The following RSRP1 variants were observed in gnomAD, a reference collection of about 807,000 sequenced individuals.
RSRP1 encodes arginine/serine-rich protein 1.
Under a neutral mutation model 33.0 loss-of-function variants are expected in RSRP1, and 37 were observed. That is an observed-to-expected ratio of 1.12 (90% CI 0.86 to 1.48). The LOEUF (loss-of-function observed/expected upper bound fraction) is 1.48, where lower values mean the gene tolerates loss of function less well. Ranked by LOEUF, RSRP1 falls within the 40% of genes most tolerant of loss-of-function variation. The pLI is 0.00. For missense variants in RSRP1, 402 were observed against 385.3 expected, an observed-to-expected ratio of 1.04 and a Z score of -0.36; for synonymous variants, 167 against 158.7, an observed-to-expected ratio of 1.05 and a Z score of -0.40.
chr1:25,274,956 A>G lies in RSRP1; in HGVS notation c.-66-27927T>C, dbSNP rs189634510. 1.1e-4 allele frequency among the ~76,000 whole-genome samples: 15 copies of G among 132,216 alleles called. 3 individuals are homozygous for G. Among genetic ancestry groups the G allele is most frequent in the African/African-American group, 3.1e-4 (12 of 38,878 alleles). The allele number at this position is 132,216 out of a possible 152,430, so 86.7% of individuals were successfully genotyped here. On this transcript the variant is annotated intron_variant, in intron 1 of 1. Transcript: ENST00000561867. ...GAGTGAGACTTCATCTCAAAAAACC[A>G]AACAACAAAAACAACAACAAGAACA...
chr1:25,314,801 G>A (rs1228796299), intron 1 of RSRP1, among the ~76,000 whole-genome samples: 1 of 131,844 alleles, frequency 7.6e-6, no homozygotes, highest in East Asian at 2.0e-4. Flanking sequence ...ACCATGCCCA[G>A]CCCACCTTTT....
chr1:25,276,883 G>A (rs1264763123), intron 1 of RSRP1, among the ~76,000 whole-genome samples: 3 of 131,310 alleles, frequency 2.3e-5, no homozygotes, highest in African/African-American at 2.6e-5. Flanking sequence ...TGGCTAACAC[G>A]ATGAAACCCC....
Position 25,314,612 on chromosome 1 carries a change from T to G in RSRP1, c.-67+23366A>C, listed in dbSNP as rs572187770. Among the ~76,000 whole-genome samples, 12 of 132,548 alleles carry G rather than the reference T, an allele frequency of 9.1e-5. 1 individual carries two copies. Among genetic ancestry groups the G allele is most frequent in the East Asian group, 3.9e-4 (2 of 5,114 alleles). The allele number at this position is 132,548 out of a possible 152,430, so 87.0% of individuals were successfully genotyped here. ...AGCTTCAAGCAATTCTCATACTTCA[T>G]CCTCCTGAGTAGCTTAGATTACAGG... On this transcript the variant is annotated intron_variant, in intron 1 of 1. Transcript: ENST00000561867.
Position 25,273,705 on chromosome 1 carries a change from T to A in RSRP1, c.-66-26676A>T, listed in dbSNP as rs1051293055. Among the ~76,000 whole-genome samples the A allele has an allele frequency of 8.0e-5, 10 of 125,164 alleles. 3 individuals are homozygous for A. Among genetic ancestry groups the A allele is most frequent in the African/African-American group, 2.7e-4 (10 of 36,612 alleles). 82.1% of individuals were successfully genotyped at this position (125,164 alleles called of 152,430 possible). On this transcript the variant is annotated intron_variant, in intron 1 of 1. Transcript: ENST00000561867. ...CCACAATGGTGTGACTTTGCTTTTT[T>A]AAAAATATTGAAATGAGTTTCAGGC...
intron 1 of RSRP1, among the ~76,000 whole-genome samples, chr1:25,269,397 G>A (rs1276972170): frequency 2.3e-5 from 3 of 132,594 alleles, no homozygotes; most frequent in East Asian, 1.9e-4. Context: ...ATCGTACGTC[G>A]GAGGCCATCT....
chr1:25,320,191 A>C (rs1338528410), intron 1 of RSRP1, among the ~76,000 whole-genome samples: 1 of 132,008 alleles, frequency 7.6e-6, no homozygotes, highest in African/African-American at 2.6e-5. Context: ...AGCCACTGCG[A>C]CCGGCCGACA....
Position 25,290,848 on chromosome 1 carries a change from G to T in RSRP1, c.-66-43819C>A, listed in dbSNP as rs1372176546. On this transcript the variant is annotated intron_variant, in intron 1 of 1. Coordinates refer to the RSRP1 transcript ENST00000561867. ...GAGAAAAGGGCCAAAAGCTCCATTT[G>T]GTGGGGTTTCCAGGGTTTTGAAAAA... 5 of 1,352,578 alleles carry T rather than the reference G, an allele frequency of 3.7e-6. 1 individual carries two copies. In the African/African-American group the frequency reaches 7.2e-5, roughly 19 times the overall value. The allele number at this position is 1,352,578 out of a possible 1,614,324, so 83.8% of individuals were successfully genotyped here.
chr1:25,244,464 T>G, intron 3 of RSRP1: 1 of 1,289,416 alleles, frequency 7.8e-7, no homozygotes, highest in Non-Finnish European at 1.0e-6. Context: ...CAACAGATTT[T>G]CTTCATCAAT....
rs1642114373 is a variant in RSRP1, at chr1:25,287,332, A to G, written c.-66-40303T>C. 3.0e-5 allele frequency among the ~76,000 whole-genome samples: 4 copies of G among 134,204 alleles called. 1 individual carries two copies. The highest frequency in any genetic ancestry group is 2.9e-4 in the Admixed American group (4 of 13,976). The allele number at this position is 134,204 out of a possible 152,430, so 88.0% of individuals were successfully genotyped here. A position where few individuals can be genotyped will look rare whatever the true frequency, so the allele number is the denominator to read the frequency against. On this transcript the variant is annotated intron_variant, in intron 1 of 1. Coordinates refer to the RSRP1 transcript ENST00000561867. The stretch of plus-strand genomic sequence containing the variant: ...CTCCCCTCATCTGATGTCCACAGGG[A>G]CCTGTTTGTTCTTGACTCAATCTAG...
At chr1:25,251,036 A>G (rs1312229776), upstream of RSRP1, among the ~76,000 whole-genome samples, 1 of 151,688 alleles carries the variant, frequency 6.6e-6, no homozygotes, top group African/African-American at 2.4e-5. Flanking sequence ...AAAAAAAAAA[A>G]GAAAGAAAGA....
chr1:25,300,893 T>G lies in RSRP1; in HGVS notation c.-67+37085A>C. The G allele has an allele frequency of 4.4e-6, 6 of 1,364,494 alleles. 2 individuals are homozygous for G. The highest frequency in any genetic ancestry group is 5.2e-6 in the Non-Finnish European group (5 of 970,058). The allele number at this position is 1,364,494 out of a possible 1,614,324, so 84.5% of individuals were successfully genotyped here. Reference sequence around the variant, plus strand: ...ACTTTCTCCAAGGACTATCAGGGCTTGCCCCGGGCAGAGGATGCCGACACT... The same window carrying G: ...ACTTTCTCCAAGGACTATCAGGGCTGGCCCCGGGCAGAGGATGCCGACACT... On this transcript the variant is annotated intron_variant, in intron 1 of 1. Transcript: ENST00000561867.
In RSRP1 at chr1:25,246,893, G is replaced by A; in HGVS notation, c.71C>T (p.Ser24Leu). Residue 24 changes from serine (S) to leucine (L), a missense_variant, in exon 2 of 5, where the codon TCG becomes TTG. By Grantham distance (145) the Ser-to-Leu change is moderately radical. Coordinates refer to ENST00000243189, the MANE Select transcript of RSRP1 (RefSeq NM_020317.5). ...QEKDSPSTSR[S>L]GGSSRLSSRS... ...CGACGACAGCCGGCTGGACCCGCCC[G>A]ACCGCGAGGTCGAGGGCGAATCCTT... The A allele has an allele frequency of 3.1e-6, 5 of 1,605,836 alleles. No homozygotes were observed. The highest frequency in any genetic ancestry group is 1.1e-5 in the South Asian group (1 of 90,922).
rs1163976001 is a variant in RSRP1, at chr1:25,310,427, T to C, written c.-67+27551A>G. The stretch of plus-strand genomic sequence containing the variant: ...ATGCAGCAAGAAGGCCCTCACCAGA[T>C]GGTGGCACCATGCTTTTGGACTTCC... On this transcript the variant is annotated intron_variant, in intron 1 of 1. Coordinates refer to the RSRP1 transcript ENST00000561867. Among the ~76,000 whole-genome samples the C allele has an allele frequency of 2.3e-5, 3 of 132,760 alleles. 1 individual carries two copies. The highest frequency in any genetic ancestry group is 3.6e-5 in the Non-Finnish European group (2 of 55,838). The allele number at this position is 132,760 out of a possible 152,430, so 87.1% of individuals were successfully genotyped here.
At position 25,243,577 on chromosome 1, in the gene RSRP1, C is replaced by A. The variant is rs762840901; in HGVS notation, c.729G>T (p.Gln243His). 4 of 1,613,810 alleles carry A rather than the reference C, an allele frequency of 2.5e-6. No homozygotes were observed. In the South Asian group the frequency reaches 4.4e-5, roughly 18 times the overall value. ...TAGAGCTAAAAGCTATGCTTCTTTG[C>A]TGGGTAGGTTTTTCATTGGGATTTC... The part of the protein sequence containing the change: ...GTRNPNEKPT[Q>H]QRSIAFSSNN... Residue 243 changes from glutamine to histidine, a missense_variant, in exon 4 of 5, where the codon CAG becomes CAT. By Grantham distance (24) the Gln-to-His change is conservative (BLOSUM62 0). Transcript: ENST00000243189.
intron 1 of RSRP1, among the ~76,000 whole-genome samples, chr1:25,308,772 G>A (rs1300706877): frequency 7.8e-6 from 1 of 128,780 alleles, no homozygotes; most frequent in African/African-American, 2.7e-5. Flanking sequence ...CAAAGGGAAG[G>A]GCATAGTGAC....
At chr1:25,328,777 C>T in intron 1 of RSRP1, 1 of 480,426 alleles carries the variant, frequency 2.1e-6, no homozygotes, top group Admixed American at 3.8e-5. Flanking sequence ...TCTTCCAATT[C>T]AGATTTTATG....
chr1:25,300,264 A>C (rs1219650259), intron 1 of RSRP1, among the ~76,000 whole-genome samples: 2 of 131,174 alleles, frequency 1.5e-5, no homozygotes, highest in African/African-American at 5.2e-5. Flanking sequence ...TCATGCCTGT[A>C]ATCTCAGCAC....
rs763354483 is a variant in RSRP1 at position 25,318,789 on chromosome 1, T to C, written c.-67+19189A>G. ...CTCCCTCTGAGCCTTGGTTAGCTTC[T>C]CTGTAAAATGAAAGGATTATGGTAA... On this transcript the variant is annotated intron_variant, in intron 1 of 1. Coordinates refer to the RSRP1 transcript ENST00000561867. Among the ~76,000 whole-genome samples, 5 of 132,502 alleles carry C rather than the reference T, an allele frequency of 3.8e-5. 2 individuals are homozygous for C. Among genetic ancestry groups the C allele is most frequent in the Non-Finnish European group, 8.9e-5 (5 of 55,870 alleles). The allele number at this position is 132,502 out of a possible 152,430, so 86.9% of individuals were successfully genotyped here.
In RSRP1 at chr1:25,331,864, G is replaced by A. The variant is rs376433893; in HGVS notation, c.-67+6114C>T. Among the ~76,000 whole-genome samples the A allele has an allele frequency of 1.7e-5, 2 of 119,860 alleles. 1 individual carries two copies. Among genetic ancestry groups the A allele is most frequent in the African/African-American group, 5.6e-5 (2 of 35,484 alleles). 78.6% of individuals were successfully genotyped at this position (119,860 alleles called of 152,430 possible). A position where few individuals can be genotyped will look rare whatever the true frequency, so the allele number is the denominator to read the frequency against. ...ACGCCATTCTCCTGCCTCAGCCTCC[G>A]GAGTAGCTGGGACTACAGGCGCCCG... On this transcript the variant is annotated intron_variant, in intron 1 of 1. Coordinates refer to the RSRP1 transcript ENST00000561867.
Sources: allele counts gnomAD v4.1 joint callset (sites outside exome capture counted in the v4.1 genomes callset), GRCh38; gene constraint gnomAD v4.1.1; transcripts MANE v1.5; gene names NCBI Gene and HGNC (gene_info 2026-07-23, HGNC 2026-07-21).